THAP6: variants seen among roughly 807,000 people sequenced by gnomAD.
THAP6 encodes the protein THAP domain-containing protein 6.
A neutral mutation model predicts 20.0 loss-of-function variants in THAP6; 13 were observed. The observed-to-expected ratio is 0.65, with a 90% CI of 0.42 to 1.03. The LOEUF (loss-of-function observed/expected upper bound fraction) is 1.03, where lower values mean the gene tolerates loss of function less well. Among genes scored for constraint, THAP6 ranks in the 50% least tolerant of loss-of-function variants. The pLI, the probability that THAP6 is intolerant of heterozygous loss-of-function variation, is 0.00. For missense variants in THAP6, 262 were observed against 261.6 expected (o/e 1.00, Z -0.01); for synonymous variants, 93 against 92.2 (o/e 1.01, Z -0.05).
intron 2 of THAP6, among the ~76,000 whole-genome samples, chr4:75,535,082 G>A (rs1010555841): frequency 2.0e-5 from 3 of 152,158 alleles, no homozygotes; most frequent in African/African-American, 4.8e-5. Context: ...AAATCAGGCT[G>A]CTATAAAGAC....
intron 3 of THAP6, among the ~76,000 whole-genome samples, chr4:75,543,991 G>C (rs543918739): frequency 1.0e-3 from 156 of 152,290 alleles, no homozygotes; most frequent in African/African-American, 3.6e-3. Flanking sequence ...CTCCCTCCCT[G>C]TGGACTATTG....
intron 2 of THAP6, among the ~76,000 whole-genome samples, chr4:75,535,052 G>A (rs943241856): frequency 6.6e-6 from 1 of 152,156 alleles, no homozygotes; most frequent in Non-Finnish European, 1.5e-5. Flanking sequence ...CCATTACTGG[G>A]TATATACCCA....
chr4:75,523,280 A>G (rs1726148818), intron 4 of THAP6, among the ~76,000 whole-genome samples: 1 of 152,188 alleles, frequency 6.6e-6, no homozygotes, highest in Admixed American at 6.5e-5. Context: ...TGTTTTGCCC[A>G]GTATTTAATC....
At chr4:75,535,921 C>T (rs1410998372) in intron 2 of THAP6, among the ~76,000 whole-genome samples, 1 of 152,164 alleles carries the variant, frequency 6.6e-6, no homozygotes, top group East Asian at 1.9e-4. Context: ...TCTGTCCTAG[C>T]TCCACTTCTA....
At chr4:75,514,310 C>T, upstream of THAP6, 5 of 1,602,534 alleles carry the variant, frequency 3.1e-6, no homozygotes, top group Non-Finnish European at 4.3e-6. Context: ...CCTCACATTC[C>T]ACCGATCCTT....
intron 4 of THAP6, among the ~76,000 whole-genome samples, chr4:75,524,912 A>G (rs1027344876): frequency 3.3e-5 from 5 of 152,076 alleles, no homozygotes; most frequent in African/African-American, 1.2e-4. Flanking sequence ...ATGTGCCACC[A>G]TGCCAAGCTA....
At chr4:75,525,383 C>T (rs1383907134) in intron 4 of THAP6, among the ~76,000 whole-genome samples, 4 of 152,098 alleles carry the variant, frequency 2.6e-5, no homozygotes, top group Non-Finnish European at 4.4e-5. Context: ...TTTACATTCA[C>T]GAAATCTTTT....
At chr4:75,526,911 TC>T in intron 4 of THAP6, 48 bp from the exon 5 acceptor site, 1 of 1,583,416 alleles carries the variant, frequency 6.3e-7, no homozygotes. Context: ...TAAGCTTTTA[TC>T]CAACTACATA....
chr4:75,541,061 A>G (rs1469402744), intron 2 of THAP6, among the ~76,000 whole-genome samples: 3 of 152,222 alleles, frequency 2.0e-5, no homozygotes, highest in African/African-American at 4.8e-5. Flanking sequence ...CCAGGACACC[A>G]TAAAGACTGG....
chr4:75,538,090 T>C (rs1726912138), intron 2 of THAP6, among the ~76,000 whole-genome samples: 1 of 152,108 alleles, frequency 6.6e-6, no homozygotes, highest in African/African-American at 2.4e-5. Flanking sequence ...TAGTCAAATA[T>C]AACAAGAGGC....
At chr4:75,547,105 C>T (rs1483547542) in intron 3 of THAP6, among the ~76,000 whole-genome samples, 2 of 152,198 alleles carry the variant, frequency 1.3e-5, no homozygotes, top group African/African-American at 4.8e-5. Flanking sequence ...CTGACGCAGA[C>T]TTGCTGGACA....
intron 3 of THAP6, among the ~76,000 whole-genome samples, chr4:75,518,147 C>T (rs559823247): frequency 7.1e-4 from 108 of 152,170 alleles, no homozygotes; most frequent in African/African-American, 2.3e-3. Flanking sequence ...TTTCCTACCA[C>T]CAAGGTGTCA....
At chr4:75,518,674 A>G (rs558388885) in intron 3 of THAP6, among the ~76,000 whole-genome samples, 1 of 152,334 alleles carries the variant, frequency 6.6e-6, no homozygotes, top group East Asian at 1.9e-4. Context: ...TTCAGAGTCT[A>G]CTATTAACTA....
At chr4:75,539,936 A>C (rs1560552713) in intron 2 of THAP6, 2 of 1,536,106 alleles carry the variant, frequency 1.3e-6, no homozygotes, top group Non-Finnish European at 1.7e-6. Flanking sequence ...AGGGAATGGC[A>C]AGTGGACAGG....
intron 4 of THAP6, chr4:75,522,137 C>T (rs560312810): frequency 6.1e-5 from 25 of 411,474 alleles, no homozygotes; most frequent in East Asian, 3.9e-4. Context: ...CTATAATTTC[C>T]GTATGAAATA....
chr4:75,545,189 G>A (rs934622305), intron 3 of THAP6, among the ~76,000 whole-genome samples: 1 of 152,162 alleles, frequency 6.6e-6, no homozygotes, highest in Non-Finnish European at 1.5e-5. Flanking sequence ...GAAGCTGACT[G>A]GTCCAAGGTC....
chr4:75,542,701 G>A, intron 3 of THAP6: 1 of 412,444 alleles, frequency 2.4e-6, no homozygotes, highest in African/African-American at 2.0e-5. Context: ...GATCTACAAT[G>A]CAAGAGCCAG....
At chr4:75,534,848 A>C (rs1443045005), downstream of THAP6, among the ~76,000 whole-genome samples, 1 of 152,236 alleles carries the variant, frequency 6.6e-6, no homozygotes, top group Non-Finnish European at 1.5e-5. Context: ...TGCAAATCAA[A>C]ACCACAATGA....
intron 4 of THAP6, among the ~76,000 whole-genome samples, chr4:75,524,884 T>G (rs1203708982): frequency 5.3e-5 from 8 of 152,020 alleles, no homozygotes; most frequent in Non-Finnish European, 1.0e-4. Flanking sequence ...GCCTCCTGAG[T>G]AGCTGGGACT....
Sources: gnomAD v4.1 joint callset for allele counts (sites outside exome capture counted in the v4.1 genomes callset) on GRCh38, gnomAD v4.1.1 for gene constraint, MANE v1.5 for transcripts, NCBI Gene and HGNC (gene_info 2026-07-23, HGNC 2026-07-21) for gene names.